DLG2: variants seen among roughly 807,000 people sequenced by gnomAD.
DLG2 encodes disks large homolog 2.
In DLG2, 45 loss-of-function variants were observed where a neutral mutation model predicts 132.5. That is an observed-to-expected ratio of 0.34 (90% CI 0.27 to 0.44). The LOEUF (loss-of-function observed/expected upper bound fraction) is 0.44, where lower values mean the gene tolerates loss of function less well. Ranked by LOEUF, DLG2 falls within the 20% of genes least tolerant of loss-of-function variation. DLG2 has a pLI of 1.00. For missense variants in DLG2, 1,045 were observed against 1,196.9 expected (o/e 0.87, Z 1.87); for synonymous variants, 424 against 419.6 (o/e 1.01, Z -0.13).
At chr11:84,309,421 A>G (rs1439562051) in intron 7 of DLG2, among the ~76,000 whole-genome samples, 7 of 152,262 alleles carry the variant, frequency 4.6e-5, no homozygotes. Flanking sequence ...AGGGCAACTT[A>G]TAACAATAAA....
chr11:84,095,702 C>A (rs922563136), intron 10 of DLG2, among the ~76,000 whole-genome samples: 1 of 152,148 alleles, frequency 6.6e-6, no homozygotes, highest in African/African-American at 2.4e-5. Context: ...CTCTGAGCTG[C>A]AGAATCCCAC....
intron 6 of DLG2, among the ~76,000 whole-genome samples, chr11:84,637,514 A>G (rs1335347305): frequency 1.3e-5 from 2 of 152,232 alleles, no homozygotes; most frequent in Admixed American, 6.5e-5. Flanking sequence ...TTGAATTGTC[A>G]TGGACCTCTG....
intron 16 of DLG2, among the ~76,000 whole-genome samples, chr11:83,844,954 G>A (rs953899674): frequency 6.6e-6 from 1 of 152,130 alleles, no homozygotes; most frequent in Admixed American, 6.5e-5. Flanking sequence ...CAATGTGCTA[G>A]TTATAGCACA....
chr11:83,635,754 C>T (rs545107240), intron 18 of DLG2, among the ~76,000 whole-genome samples: 81 of 152,218 alleles, frequency 5.3e-4, no homozygotes, highest in African/African-American at 1.5e-3. Flanking sequence ...ATAGTCTATT[C>T]CATAGTTTAG....
chr11:83,481,485 T>C (rs796562977), intron 22 of DLG2, among the ~76,000 whole-genome samples: 14 of 152,208 alleles, frequency 9.2e-5, no homozygotes, highest in African/African-American at 3.1e-4. Flanking sequence ...AAATAATATA[T>C]AAAATTATTC....
At position 85,521,331 on chromosome 11, in the gene DLG2, C is replaced by T. The variant is rs921906685; in HGVS notation, c.40+77326G>A. 2.6e-5 allele frequency among the ~76,000 whole-genome samples: 4 copies of T among 152,182 alleles called. No individual in the cohort carries two copies. The South Asian group carries it at 8.3e-4, about 31-fold the overall frequency. On this transcript the variant is annotated intron_variant, in intron 3 of 27. Coordinates refer to ENST00000376104, the MANE Select transcript of DLG2 (RefSeq NM_001142699.3). ...CTGCACTTCTCTCATTCTTCTCTCT[C>T]CTGCCACCATCTGAAGAAGGATGTG...
chr11:83,695,143 A>C (rs540323886), intron 18 of DLG2, among the ~76,000 whole-genome samples: 1 of 152,364 alleles, frequency 6.6e-6, no homozygotes, highest in South Asian at 2.1e-4. Context: ...AAAGAAAACC[A>C]TAAGTTGAGT....
intron 6 of DLG2, among the ~76,000 whole-genome samples, chr11:84,862,929 A>G (rs1600148447): frequency 6.6e-6 from 1 of 151,944 alleles, no homozygotes; most frequent in South Asian, 2.1e-4. Context: ...ACCTAGGTAC[A>G]AATCTGCACG....
intron 6 of DLG2, among the ~76,000 whole-genome samples, chr11:84,710,952 A>T (rs2060316146): frequency 1.3e-5 from 2 of 149,496 alleles, no homozygotes; most frequent in Non-Finnish European, 3.0e-5. Context: ...TGTTCTTTAT[A>T]ATCACTGAAA....
At chr11:84,547,363 C>T (rs973690074) in intron 6 of DLG2, among the ~76,000 whole-genome samples, 2 of 152,106 alleles carry the variant, frequency 1.3e-5, no homozygotes, top group Non-Finnish European at 2.9e-5. Flanking sequence ...ATCTCACAGC[C>T]CTCCTAGTCT....
intron 19 of DLG2, among the ~76,000 whole-genome samples, chr11:83,612,527 T>C (rs887373393): frequency 1.3e-5 from 2 of 152,106 alleles, no homozygotes; most frequent in African/African-American, 4.8e-5. Flanking sequence ...AGAGATAAGA[T>C]CTCACCCCAG....
intron 17 of DLG2, among the ~76,000 whole-genome samples, chr11:83,803,940 T>A (rs2045212118): frequency 6.6e-6 from 1 of 152,146 alleles, no homozygotes; most frequent in Non-Finnish European, 1.5e-5. Flanking sequence ...TGATGTTTTT[T>A]TCATCGTAGT....
Position 85,061,425 on chromosome 11 carries a change from A to T in DLG2, c.357+50236T>A, listed in dbSNP as rs115757852. 2.0e-3 allele frequency among the ~76,000 whole-genome samples: 306 copies of T among 151,964 alleles called. 1 individual carries two copies. Among genetic ancestry groups the T allele is most frequent in the African/African-American group, 7.2e-3 (301 of 41,526 alleles). On this transcript the variant is annotated intron_variant, in intron 6 of 27. Coordinates refer to ENST00000376104, the MANE Select transcript of DLG2 (RefSeq NM_001142699.3). ...ATTATTTGGCCTAGATGAGTTACAG[A>T]AACAAAATTTGCAACTTGAATTTCT...
At chr11:83,874,520 T>C (rs372038974) in intron 15 of DLG2, 32 bp from the exon 16 acceptor site, 14 of 1,494,848 alleles carry the variant, frequency 9.4e-6, no homozygotes, top group Middle Eastern at 3.9e-4. Context: ...ACACACATCA[T>C]TTATTTATTT....
intron 7 of DLG2, among the ~76,000 whole-genome samples, chr11:84,424,457 A>G (rs76010524): frequency 6.6e-6 from 1 of 152,190 alleles, no homozygotes; most frequent in East Asian, 1.9e-4. Flanking sequence ...TTAAAAAAAA[A>G]CTTAGGTAAT....
intron 6 of DLG2, among the ~76,000 whole-genome samples, chr11:84,727,689 A>C (rs1212421522): frequency 6.6e-6 from 1 of 152,174 alleles, no homozygotes; most frequent in Non-Finnish European, 1.5e-5. Flanking sequence ...TACTTTGGGC[A>C]GTATGGCCAT....
chr11:85,454,085 G>A (rs1396509749), intron 3 of DLG2, among the ~76,000 whole-genome samples: 3 of 151,188 alleles, frequency 2.0e-5, no homozygotes, highest in Non-Finnish European at 1.5e-5. Context: ...TGCTGCAAAG[G>A]GAATGATCTC....
chr11:84,703,894 G>A (rs1180421342), intron 6 of DLG2, among the ~76,000 whole-genome samples: 5 of 113,432 alleles, frequency 4.4e-5, no homozygotes, highest in African/African-American at 1.8e-4. Context: ...ACACGTGTGT[G>A]TGTGTGTGTG....
At chr11:84,308,300 C>T (rs2154385980) in intron 7 of DLG2, among the ~76,000 whole-genome samples, 1 of 152,272 alleles carries the variant, frequency 6.6e-6, no homozygotes, top group East Asian at 1.9e-4. Flanking sequence ...CTCCAAGTCC[C>T]CACCAGAGTA....
Sources: allele counts gnomAD v4.1 joint callset (sites outside exome capture counted in the v4.1 genomes callset), GRCh38; gene constraint gnomAD v4.1.1; transcripts MANE v1.5; gene names NCBI Gene and HGNC (gene_info 2026-07-23, HGNC 2026-07-21).